Variants in UHRF2 observed in about 807,000 individuals in gnomAD.
The protein encoded by UHRF2 is E3 ubiquitin-protein ligase UHRF2.
Under a neutral mutation model 96.8 loss-of-function variants are expected in UHRF2, and 23 were observed. That is an observed-to-expected ratio of 0.24 (90% CI 0.17 to 0.34). The LOEUF is 0.34. UHRF2 is among the 10% of genes least tolerant of loss of function. The pLI, the probability that UHRF2 is intolerant of heterozygous loss-of-function variation, is 1.00. For synonymous variants in UHRF2, 385 were observed against 332.6 expected (o/e 1.16, Z -1.72); for missense variants, 685 against 981.5 (o/e 0.70, Z 4.04).
intron 8 of UHRF2, among the ~76,000 whole-genome samples, chr9:6,485,400 A>G (rs1824205926): frequency 6.6e-6 from 1 of 151,996 alleles, no homozygotes; most frequent in Non-Finnish European, 1.5e-5. Flanking sequence ...GATGACTATG[A>G]GGTTGTTTTC....
intron 4 of UHRF2, among the ~76,000 whole-genome samples, chr9:6,461,531 C>A (rs929911693): frequency 2.0e-5 from 3 of 151,718 alleles, no homozygotes; most frequent in Admixed American, 6.6e-5. Flanking sequence ...TGACACCACG[C>A]CCACCTAACT....
intron 9 of UHRF2, among the ~76,000 whole-genome samples, chr9:6,489,398 G>C (rs929720176): frequency 6.6e-6 from 1 of 152,150 alleles, no homozygotes; most frequent in African/African-American, 2.4e-5. Flanking sequence ...TTTTGTAAAC[G>C]TAAGTCTTTA....
intron 10 of UHRF2, chr9:6,494,451 G>T (rs898362282): frequency 2.0e-5 from 3 of 152,188 alleles, no homozygotes; most frequent in African/African-American, 7.2e-5. Flanking sequence ...TTACAAAAGT[G>T]ATCTTTTCTA....
At chr9:6,459,559 C>T (rs1054533691) in intron 3 of UHRF2, among the ~76,000 whole-genome samples, 1 of 152,176 alleles carries the variant, frequency 6.6e-6, no homozygotes, top group Non-Finnish European at 1.5e-5. Context: ...ATCCCAGCTA[C>T]TTAGGAGGCT....
intron 4 of UHRF2, among the ~76,000 whole-genome samples, chr9:6,466,245 A>G (rs1822849501): frequency 6.6e-6 from 1 of 152,136 alleles, no homozygotes; most frequent in Non-Finnish European, 1.5e-5. Context: ...TACTAAAAAT[A>G]TAAAAATTAT....
chr9:6,500,853 T>G (rs958650987), intron 14 of UHRF2, 144 bp downstream of exon 14: 12 of 723,894 alleles, frequency 1.7e-5, no homozygotes, highest in Non-Finnish European at 2.4e-5. Context: ...CTTTCAGAAA[T>G]AATCTGAGGC....
chr9:6,432,349 G>C (rs1820604198), intron 2 of UHRF2, among the ~76,000 whole-genome samples: 1 of 152,156 alleles, frequency 6.6e-6, no homozygotes, highest in Non-Finnish European at 1.5e-5. Flanking sequence ...TCTACCCTCT[G>C]TCATTTTGTG....
intron 4 of UHRF2, among the ~76,000 whole-genome samples, chr9:6,474,919 G>T (rs1026886569): frequency 3.9e-5 from 6 of 151,946 alleles, no homozygotes; most frequent in Non-Finnish European, 5.9e-5. Flanking sequence ...TAAATAAATT[G>T]TTACAGAATT....
At chr9:6,453,152 A>C (rs1821970942) in intron 3 of UHRF2, among the ~76,000 whole-genome samples, 1 of 152,204 alleles carries the variant, frequency 6.6e-6, no homozygotes, top group Non-Finnish European at 1.5e-5. Context: ...GAGTTTGTAC[A>C]AATTTAGTTT....
intron 3 of UHRF2, among the ~76,000 whole-genome samples, chr9:6,456,276 C>G (rs553588253): frequency 6.6e-6 from 1 of 152,230 alleles, no homozygotes; most frequent in East Asian, 1.9e-4. Flanking sequence ...GTGCGTTTCT[C>G]TAATGACCAG....
intron 3 of UHRF2, among the ~76,000 whole-genome samples, chr9:6,457,354 T>A (rs1359937699): frequency 6.6e-6 from 1 of 152,084 alleles, no homozygotes; most frequent in African/African-American, 2.4e-5. Context: ...TGCACATTGA[T>A]TTATATCCTG....
chr9:6,443,597 C>T (rs1467165523), intron 3 of UHRF2, among the ~76,000 whole-genome samples: 3 of 152,184 alleles, frequency 2.0e-5, no homozygotes, highest in East Asian at 1.9e-4. Context: ...AATGCTTTCA[C>T]AGAACAGATA....
chr9:6,442,252 C>A (rs1262261921), intron 3 of UHRF2, among the ~76,000 whole-genome samples: 2 of 152,168 alleles, frequency 1.3e-5, no homozygotes, highest in Non-Finnish European at 2.9e-5. Flanking sequence ...GTGTGAGCCA[C>A]CACCTCCAGT....
At chr9:6,429,924 A>G (rs1381036) in intron 2 of UHRF2, among the ~76,000 whole-genome samples, 109,346 of 151,708 alleles carry the variant, frequency 0.72, 41,090 homozygotes, top group South Asian at 0.84. Flanking sequence ...TGCTGTTGGT[A>G]TTTTCTTTTT....
chr9:6,456,935 G>A (rs936822744), intron 3 of UHRF2, among the ~76,000 whole-genome samples: 4 of 152,170 alleles, frequency 2.6e-5, no homozygotes, highest in African/African-American at 7.2e-5. Flanking sequence ...TTGAAGTCAG[G>A]TAGCATGATG....
At chr9:6,460,381 A>G (rs1205940647) in intron 3 of UHRF2, among the ~76,000 whole-genome samples, 192 bp from the exon 4 acceptor site, 1 of 152,176 alleles carries the variant, frequency 6.6e-6, no homozygotes, top group Non-Finnish European at 1.5e-5. Context: ...TGATATAGAA[A>G]CTACCCTGTA....
At chr9:6,469,823 C>T (rs999041606) in intron 4 of UHRF2, among the ~76,000 whole-genome samples, 12 of 149,770 alleles carry the variant, frequency 8.0e-5, no homozygotes, top group African/African-American at 2.7e-4. Flanking sequence ...TTTGGAATTC[C>T]TAAAGAAGAG....
chr9:6,449,499 C>T (rs1056638486), intron 3 of UHRF2: 4 of 152,142 alleles, frequency 2.6e-5, no homozygotes. Context: ...TTCATCTTGT[C>T]GTCTGTTTCC....
chr9:6,413,874 G>A, intron 1 of UHRF2: 1 of 436,726 alleles, frequency 2.3e-6, no homozygotes, highest in Non-Finnish European at 3.8e-6. Context: ...TCAGAAGTGA[G>A]GGCGTCCGGA....
Sources: gnomAD v4.1 joint callset for allele counts (sites outside exome capture counted in the v4.1 genomes callset) on GRCh38, gnomAD v4.1.1 for gene constraint, MANE v1.5 for transcripts, NCBI Gene and HGNC (gene_info 2026-07-23, HGNC 2026-07-21) for gene names.